RANBP17: variants seen among roughly 807,000 people sequenced by gnomAD.
RANBP17 encodes ran-binding protein 17.
A neutral mutation model predicts 141.2 loss-of-function variants in RANBP17; 158 were observed. The ratio of observed to expected loss-of-function variants is 1.12; its 90% CI spans 0.98 to 1.28. The LOEUF (loss-of-function observed/expected upper bound fraction) is 1.28. RANBP17 is among the 50% of genes most tolerant of loss of function. The pLI is 0.00. For synonymous variants in RANBP17, 430 were observed against 450.0 expected (o/e 0.96, Z 0.56); for missense variants, 1,438 against 1,290.7 (o/e 1.11, Z -1.75).
intron 18 of RANBP17, among the ~76,000 whole-genome samples, chr5:171,193,645 G>C (rs1761789430): frequency 6.6e-6 from 1 of 152,102 alleles, no homozygotes; most frequent in South Asian, 2.1e-4. Context: ...CTGTTCCTTT[G>C]CCTTTTGCGG....
chr5:171,122,099 C>G (rs1264640320), intron 14 of RANBP17, among the ~76,000 whole-genome samples: 3 of 152,136 alleles, frequency 2.0e-5, no homozygotes, highest in Non-Finnish European at 4.4e-5. Context: ...ATAGGACCTC[C>G]CTCATGGCTC....
At position 171,240,967 on chromosome 5, in the gene RANBP17, A is replaced by C; in HGVS notation, c.2462A>C (p.Gln821Pro). 1 of 1,613,898 alleles carries C rather than the reference A, an allele frequency of 6.2e-7. No homozygotes were observed. The highest frequency in any genetic ancestry group is 1.1e-5 in the South Asian group (1 of 91,060). The change falls in exon 23 of 28, where the codon CAG becomes CCG. Residue 821 changes from glutamine (Q) to proline (P), a missense_variant. Physicochemically the swap from Gln to Pro is moderately conservative, Grantham distance 76. Coordinates refer to ENST00000523189, the MANE Select transcript of RANBP17 (RefSeq NM_022897.5). The stretch of plus-strand genomic sequence containing the variant: ...TCCCTTGGGAGCCTCTCAAAAGATC[A>C]GATTTATCCAATGAAACTCAAGGGC... ...ILSLGSLSKD[Q>P]IYPMKLKGIS... is the part of the protein sequence containing the mutation.
chr5:171,080,897 C>A (rs895940516), intron 14 of RANBP17, among the ~76,000 whole-genome samples: 3 of 152,142 alleles, frequency 2.0e-5, no homozygotes, highest in African/African-American at 7.2e-5. Flanking sequence ...CCATATCTTA[C>A]AATTTTGTTT....
At chr5:171,114,660 T>A (rs1347208445) in intron 14 of RANBP17, among the ~76,000 whole-genome samples, 1 of 149,744 alleles carries the variant, frequency 6.7e-6, no homozygotes, top group African/African-American at 2.5e-5. Context: ...GTTTATTGAA[T>A]AATATATTTG....
At position 170,918,693 on chromosome 5, in the gene RANBP17, CTTTT is replaced by C; in HGVS notation, c.955-18_955-15del. 1.3e-6 allele frequency: 2 copies of C among 1,576,372 alleles called. No homozygotes were observed. Among genetic ancestry groups the C allele is most frequent in the Non-Finnish European group, 8.6e-7 (1 of 1,162,838 alleles). ...TAGGTTGGCTTGTTTTTAAGCCTTTCTTTTTGTCTCATAATTTAGGGTTTGTCTG... is the reference window on the plus strand; with the variant it reads ...TAGGTTGGCTTGTTTTTAAGCCTTTCTGTCTCATAATTTAGGGTTTGTCTG... On this transcript the variant is annotated splice_polypyrimidine_tract_variant and intron_variant, in intron 9 of 27. Transcript: ENST00000523189.
At chr5:171,110,852 T>C (rs964365694) in intron 14 of RANBP17, among the ~76,000 whole-genome samples, 2 of 141,364 alleles carry the variant, frequency 1.4e-5, no homozygotes, top group Non-Finnish European at 3.2e-5. Flanking sequence ...AGAATGTCTT[T>C]TTTTTTTTTA....
chr5:170,892,585 C>G, intron 4 of RANBP17, 32 bp downstream of exon 4: 1 of 1,581,722 alleles, frequency 6.3e-7, no homozygotes, highest in Non-Finnish European at 8.6e-7. Flanking sequence ...GTTAGAACAT[C>G]ACTACTTGCT....
intron 24 of RANBP17, among the ~76,000 whole-genome samples, chr5:171,256,569 G>A (rs1765909122): frequency 6.6e-6 from 1 of 152,086 alleles, no homozygotes; most frequent in South Asian, 2.1e-4. Context: ...AAGGATCAGA[G>A]CAGAGCTAAA....
chr5:171,034,167 A>G (rs1389651170), intron 14 of RANBP17, among the ~76,000 whole-genome samples: 1 of 152,200 alleles, frequency 6.6e-6, no homozygotes, highest in East Asian at 1.9e-4. Context: ...AAAGCCAGAA[A>G]TTAGCATATG....
intron 25 of RANBP17, among the ~76,000 whole-genome samples, chr5:171,282,562 T>C (rs938221132): frequency 2.6e-5 from 4 of 152,160 alleles, no homozygotes; most frequent in Admixed American, 2.0e-4. Context: ...CACTGCAGCC[T>C]CTGCCTCCCT....
chr5:171,028,186 A>G (rs914900780), intron 14 of RANBP17, among the ~76,000 whole-genome samples: 1 of 152,096 alleles, frequency 6.6e-6, no homozygotes, highest in Non-Finnish European at 1.5e-5. Flanking sequence ...GGGGGGTGGA[A>G]TAGACATTGT....
intron 14 of RANBP17, among the ~76,000 whole-genome samples, chr5:170,976,748 C>CAT (rs1222958045): frequency 6.6e-6 from 1 of 152,048 alleles, no homozygotes; most frequent in Non-Finnish European, 1.5e-5. Context: ...AGGGCATCAA[C>CAT]ATAACTCAGT....
chr5:170,971,482 A>G (rs1776983850), intron 14 of RANBP17, among the ~76,000 whole-genome samples: 1 of 152,210 alleles, frequency 6.6e-6, no homozygotes, highest in Non-Finnish European at 1.5e-5. Flanking sequence ...TTTGAACCCT[A>G]GGCACCTGAC....
chr5:171,205,649 CA>C, intron 20 of RANBP17, 37 bp downstream of exon 20: 1 of 1,516,016 alleles, frequency 6.6e-7, no homozygotes, highest in Non-Finnish European at 9.2e-7. Flanking sequence ...CAGCTCTGTG[CA>C]CAGAGGGATG....
At chr5:170,905,879 G>T (rs1581113178) in intron 5 of RANBP17, among the ~76,000 whole-genome samples, 1 of 152,116 alleles carries the variant, frequency 6.6e-6, no homozygotes, top group East Asian at 1.9e-4. Flanking sequence ...ATGAGAGTTT[G>T]TGCTGTGTTT....
At chr5:171,135,341 C>CT (rs35487191) in intron 14 of RANBP17, among the ~76,000 whole-genome samples, 2 of 150,738 alleles carry the variant, frequency 1.3e-5, no homozygotes. Context: ...TGTTTACTGA[C>CT]TTTTTTAAAA....
At chr5:170,987,331 A>G (rs1301960962) in intron 14 of RANBP17, among the ~76,000 whole-genome samples, 3 of 151,566 alleles carry the variant, frequency 2.0e-5, no homozygotes, top group African/African-American at 4.8e-5. Context: ...TTTGACTACC[A>G]TATACTGAAT....
At chr5:171,160,051 C>T (rs528275178) in intron 14 of RANBP17, among the ~76,000 whole-genome samples, 23 of 150,638 alleles carry the variant, frequency 1.5e-4, no homozygotes, top group Non-Finnish European at 2.7e-4. Flanking sequence ...GAGTTGAAAA[C>T]TTACCTTGGA....
intron 14 of RANBP17, among the ~76,000 whole-genome samples, chr5:171,000,591 G>T (rs531553160): frequency 6.6e-6 from 1 of 152,178 alleles, no homozygotes; most frequent in Non-Finnish European, 1.5e-5. Context: ...ATGCGCGTCC[G>T]TGTGAAGAGA....
Sources: allele counts gnomAD v4.1 joint callset (sites outside exome capture counted in the v4.1 genomes callset), GRCh38; gene constraint gnomAD v4.1.1; transcripts MANE v1.5; gene names NCBI Gene and HGNC (gene_info 2026-07-23, HGNC 2026-07-21).